Variants in PZP observed in about 807,000 individuals in gnomAD.
PZP encodes PZP alpha-2-macroglobulin like, also known as pregnancy zone protein.
A neutral mutation model predicts 179.8 loss-of-function variants in PZP; 150 were observed. That is an observed-to-expected ratio of 0.83 (90% CI 0.73 to 0.96). PZP has a LOEUF of 0.96. Ranked by LOEUF, PZP falls within the 40% of genes least tolerant of loss-of-function variation. The probability of loss-of-function intolerance (pLI) is 0.00; values close to 1 mark genes in which losing one functional copy is unlikely to be tolerated. For synonymous variants in PZP, 624 were observed against 652.3 expected (o/e 0.96, Z 0.66); for missense variants, 1,689 against 1,764.0 (o/e 0.96, Z 0.76).
At position 9,201,029 on chromosome 12, in the gene PZP, T is replaced by C; in HGVS notation, c.533A>G (p.Gln178Arg). Residue 178 changes from glutamine (Q) to arginine (R), a missense_variant, in exon 6 of 36, where the codon CAG (glutamine) becomes CGG (arginine). Around this residue, in one of 3 missense-constraint regions of PZP, gnomAD observed 742 missense variants for 730.5 expected, o/e 1.02. Transcript: ENST00000261336. ...GATGCCAGCTTCTAGCTTGAGACTC[T>C]GCCATTGTGCAATTCGATTTCTTCT... ...NPRRNRIAQW[Q>R]SLKLEAGINQ... 6.2e-7 allele frequency: 1 copy of C among 1,614,100 alleles called. No individual in the cohort carries two copies. The highest frequency in any genetic ancestry group is 1.6e-4 in the Middle Eastern group (1 of 6,062).
At chr12:9,203,397 A>C (rs1015152189) in intron 2 of PZP, among the ~76,000 whole-genome samples, 1 of 132,914 alleles carries the variant, frequency 7.5e-6, no homozygotes, top group African/African-American at 2.9e-5. Flanking sequence ...GCTGGAGTGC[A>C]GTGGGGCGAT....
rs1565632035 is a variant in PZP at position 9,163,804 on chromosome 12, A to G, written c.2615-15T>C. The G allele has an allele frequency of 3.7e-6, 6 of 1,608,840 alleles. No individual in the cohort carries two copies. In the Admixed American group the frequency reaches 6.8e-5, roughly 18 times the overall value. ...GTTCACATTCCCTAAAACAAGGAAT[A>G]TTGAAAACATGAGTATCCACTTTGA... On this transcript the variant is annotated splice_polypyrimidine_tract_variant and intron_variant, in intron 20 of 35. Transcript: ENST00000261336.
At chr12:9,159,893 G>A (rs765973692) in intron 25 of PZP, 45 bp downstream of exon 25, 18 of 1,497,182 alleles carry the variant, frequency 1.2e-5, no homozygotes, top group South Asian at 2.3e-5. Flanking sequence ...CTATGTGCAC[G>A]TTCTGAACTC....
intron 21 of PZP, 41 bp from the exon 22 acceptor site, chr12:9,162,689 C>T: frequency 6.8e-7 from 1 of 1,475,928 alleles, no homozygotes; most frequent in Non-Finnish European, 9.4e-7. Context: ...ATAGAAACAT[C>T]CTGGTGACAA....
At chr12:9,145,161 T>G (rs767848346), downstream of PZP, among the ~76,000 whole-genome samples, 2 of 152,238 alleles carry the variant, frequency 1.3e-5, no homozygotes, top group Non-Finnish European at 2.9e-5. Flanking sequence ...GTTTACTCAA[T>G]TTGCATTTAA....
At position 9,202,519 on chromosome 12, in the gene PZP, A is replaced by G. The variant is rs1328510452; in HGVS notation, c.427+6T>C. ...TTGCCCCAAACAGTGGAATTTCCCTACTTACCTGTCTGTCCTGGTTTATAC... is the reference window on the plus strand; with the variant it reads ...TTGCCCCAAACAGTGGAATTTCCCTGCTTACCTGTCTGTCCTGGTTTATAC... On this transcript the variant is annotated splice_donor_region_variant and intron_variant, in intron 3 of 35. Transcript: ENST00000261336. 4 of 1,613,842 alleles carry G rather than the reference A, an allele frequency of 2.5e-6. No homozygotes were observed. The highest frequency in any genetic ancestry group is 1.1e-5 in the South Asian group (1 of 91,004).
At chr12:9,201,988 G>T (rs7956661) in intron 4 of PZP, among the ~76,000 whole-genome samples, 136,079 of 152,196 alleles carry the variant, frequency 0.89, 61,019 homozygotes, top group East Asian at 1. Flanking sequence ...GCATAATTCT[G>T]TGTTGCTTTT....
intron 16 of PZP, 77 bp from the exon 17 acceptor site, chr12:9,169,051 C>G: frequency 9.6e-7 from 1 of 1,040,224 alleles, no homozygotes; most frequent in East Asian, 2.5e-5. Flanking sequence ...AGAGACTTCT[C>G]TATGTAATTC....
At position 9,149,604 on chromosome 12, in the gene PZP, T is replaced by G. The variant is rs762250679; in HGVS notation, c.4385-2A>C. 7.4e-6 allele frequency: 12 copies of G among 1,612,814 alleles called. No homozygotes were observed. The highest frequency in any genetic ancestry group is 9.3e-6 in the Non-Finnish European group (11 of 1,179,264). On this transcript the variant is annotated splice_acceptor_variant, in intron 34 of 35. Coordinates refer to ENST00000261336, the MANE Select transcript of PZP (RefSeq NM_002864.3). LOFTEE classifies it high-confidence loss of function. ...TATACTCAGCAACCACAGACTCATCTGAAAGATAACGTTGGGTGAAGGAAG... is the reference window on the plus strand; with the variant it reads ...TATACTCAGCAACCACAGACTCATCGGAAAGATAACGTTGGGTGAAGGAAG...
intron 23 of PZP, 117 bp from the exon 24 acceptor site, chr12:9,160,607 TAC>T: frequency 1.1e-5 from 10 of 922,184 alleles, no homozygotes; most frequent in Non-Finnish European, 1.6e-5. Flanking sequence ...AAAAGTTATA[TAC>T]ACAGAGTGTG....
At chr12:9,189,827 C>T (rs914630823) in intron 13 of PZP, among the ~76,000 whole-genome samples, 4 of 151,890 alleles carry the variant, frequency 2.6e-5, no homozygotes, top group Non-Finnish European at 5.9e-5. Context: ...AAAAAGTGGG[C>T]AAAGGACAGG....
chr12:9,158,287 C>A, intron 26 of PZP, 133 bp downstream of exon 26: 1 of 1,333,108 alleles, frequency 7.5e-7, no homozygotes, highest in Non-Finnish European at 1.0e-6. Flanking sequence ...AAGTGTAATA[C>A]TCTTTCCCTG....
the PZP span, among the ~76,000 whole-genome samples, chr12:9,139,562 T>C: frequency 6.6e-6 from 1 of 152,200 alleles, no homozygotes; most frequent in Non-Finnish European, 1.5e-5. Flanking sequence ...TGCTCCCTAT[T>C]TCTCTTTTCT....
intron 28 of PZP, 102 bp from the exon 29 acceptor site, chr12:9,154,941 ACAGGAGAAG>A: frequency 8.4e-7 from 1 of 1,186,118 alleles, no homozygotes; most frequent in Admixed American, 2.4e-5. Context: ...TGAAAATAAT[ACAGGAGAAG>A]CAAGGTCTTC....
intron 19 of PZP, 137 bp downstream of exon 19, chr12:9,165,002 G>T: frequency 1.9e-6 from 2 of 1,058,648 alleles, no homozygotes; most frequent in Non-Finnish European, 2.8e-6. Context: ...GTCCTGCTTT[G>T]CATAGCACTA....
chr12:9,165,336 CTG>C lies in PZP; in HGVS notation c.2288_2289del (p.Thr763SerfsTer3). ...TTCCACTCGGTGATGGTGTCAGGGA[CTG>C]TTACTCCTACCTCAGCCACACCTGA... ...NSSGVAEVGV[T>X]VPDTITEWKA... On this transcript the variant is annotated frameshift_variant, in exon 19 of 36. Coordinates refer to ENST00000261336, the MANE Select transcript of PZP (RefSeq NM_002864.3). LOFTEE classifies it high-confidence loss of function. The C allele has an allele frequency of 1.9e-6, 3 of 1,614,102 alleles. No homozygotes were observed. The highest frequency in any genetic ancestry group is 2.5e-6 in the Non-Finnish European group (3 of 1,179,952).
chr12:9,199,459 A>G (rs1215039050), intron 7 of PZP, among the ~76,000 whole-genome samples: 2 of 152,142 alleles, frequency 1.3e-5, no homozygotes, highest in African/African-American at 4.8e-5. Context: ...AATTTGTTCT[A>G]CCATTGCACT....
chr12:9,183,207 A>C lies in PZP; in HGVS notation c.1547-1090T>G, dbSNP rs757201982. ...ATGAACAAGGCTAGCTATCTAACAC[A>C]CAACATGAAGACTGTAGTTAATAAA... On this transcript the variant is annotated intron_variant, in intron 13 of 35. Transcript: ENST00000261336. Among the ~76,000 whole-genome samples the C allele has an allele frequency of 7.2e-5, 11 of 152,352 alleles. No homozygotes were observed. The South Asian group carries it at 2.1e-3, about 29-fold the overall frequency.
chr12:9,172,078 A>G (rs1942043338), intron 15 of PZP, among the ~76,000 whole-genome samples: 1 of 152,188 alleles, frequency 6.6e-6, no homozygotes, highest in Non-Finnish European at 1.5e-5. Flanking sequence ...AACCATGTTA[A>G]GGACACCTAG....
Sources: allele counts gnomAD v4.1 joint callset (sites outside exome capture counted in the v4.1 genomes callset), GRCh38; gene constraint gnomAD v4.1.1; regional missense constraint gnomAD v4.1.1; transcripts MANE v1.5; gene names NCBI Gene and HGNC (gene_info 2026-07-23, HGNC 2026-07-21).